Variants in ACO2 observed in about 807,000 individuals in gnomAD.
ACO2 encodes the protein aconitase 2.
In ACO2, 31 loss-of-function variants were observed where a neutral mutation model predicts 84.5. That is an observed-to-expected ratio of 0.37 (90% CI 0.28 to 0.50). ACO2 has a LOEUF of 0.50. Among genes scored for constraint, ACO2 ranks in the 20% least tolerant of loss-of-function variants. The probability of loss-of-function intolerance (pLI) is 0.97; values close to 1 mark genes in which losing one functional copy is unlikely to be tolerated. For synonymous variants in ACO2, 414 were observed against 412.7 expected (o/e 1.00, Z -0.04); for missense variants, 685 against 1,029.3 (o/e 0.67, Z 4.58).
rs150077930 is a variant in ACO2 at position 41,524,809 on chromosome 22, T to C, written c.1483-37T>C. On this transcript the variant is annotated intron_variant, in intron 12 of 17. Coordinates refer to ENST00000216254, the MANE Select transcript of ACO2 (RefSeq NM_001098.3). ...TAGGTGCAGGAGACAGGAGTGGCAA[T>C]TGGTGCTGACCAACAAACTGGCCAC... The C allele has an allele frequency of 9.6e-4, 1,554 of 1,613,910 alleles. 2 individuals are homozygous for C. The highest frequency in any genetic ancestry group is 1.3e-3 in the Non-Finnish European group (1,483 of 1,179,868).
chr22:41,523,602 AGGCCTTGCCTCT>A (rs1162409259), intron 11 of ACO2, among the ~76,000 whole-genome samples: 1 of 152,212 alleles, frequency 6.6e-6, no homozygotes, highest in Non-Finnish European at 1.5e-5. Context: ...GCCTTGACCA[AGGCCTTGCCTCT>A]GGCTTACGTG....
At chr22:41,527,571 C>G in intron 16 of ACO2, 151 bp downstream of exon 16, 1 of 1,108,948 alleles carries the variant, frequency 9.0e-7, no homozygotes, top group Non-Finnish European at 1.3e-6. Flanking sequence ...TAGGCTCACA[C>G]AGTGCACATC....
intron 6 of ACO2, 128 bp downstream of exon 6, chr22:41,516,045 G>A: frequency 2.4e-6 from 3 of 1,248,874 alleles, no homozygotes; most frequent in Non-Finnish European, 3.4e-6. Context: ...ACTTGGGATA[G>A]ACAGAGGTAG....
intron 9 of ACO2, among the ~76,000 whole-genome samples, chr22:41,522,571 A>G (rs1376204137): frequency 6.6e-6 from 1 of 152,208 alleles, no homozygotes; most frequent in African/African-American, 2.4e-5. Context: ...ATTGCTGTAA[A>G]AGGGGTCATA....
At chr22:41,517,314 G>A (rs2066483107) in intron 6 of ACO2, 1 of 535,042 alleles carries the variant, frequency 1.9e-6, no homozygotes, top group African/African-American at 1.9e-5. Flanking sequence ...CCTGAGCTGG[G>A]GCCCTGAGCT....
At chr22:41,514,473 G>T (rs760795247) in intron 4 of ACO2, among the ~76,000 whole-genome samples, 2 of 152,234 alleles carry the variant, frequency 1.3e-5, no homozygotes, top group Non-Finnish European at 2.9e-5. Context: ...TCCGAGAGAA[G>T]TGACTTGTCC....
chr22:41,520,136 C>T lies in ACO2; in HGVS notation c.1033-35C>T, dbSNP rs200642771. On this transcript the variant is annotated intron_variant, in intron 8 of 17. Coordinates refer to ENST00000216254, the MANE Select transcript of ACO2 (RefSeq NM_001098.3). The stretch of plus-strand genomic sequence containing the variant: ...TCCCCGCTTCAAGGTTTCTTCCCTC[C>T]TCTCTTTCTTCTCCTTGCATGTTTG... 2.7e-5 allele frequency: 43 copies of T among 1,576,506 alleles called. No homozygotes were observed. In the East Asian group the frequency reaches 8.8e-4, roughly 32 times the overall value.
In ACO2 at chr22:41,523,751, G is replaced by T. The variant is rs891555194; in HGVS notation, c.1371-79G>T. The T allele has an allele frequency of 3.0e-6, 4 of 1,322,888 alleles. No homozygotes were observed. The African/African-American group carries it at 4.3e-5, about 14-fold the overall frequency. 81.9% of individuals were successfully genotyped at this position (1,322,888 alleles called of 1,614,324 possible). ...GGAGCTAGGCTGGGCTGCGCCACAG[G>T]AACCCAGCTTATCTGTCCTCGGGAC... On this transcript the variant is annotated intron_variant, in intron 11 of 17. Transcript: ENST00000216254.
intron 16 of ACO2, 93 bp downstream of exon 16, chr22:41,527,513 G>C: frequency 1.3e-6 from 2 of 1,509,224 alleles, no homozygotes; most frequent in Non-Finnish European, 1.8e-6. Flanking sequence ...CCTGGTTCTA[G>C]GCTGTGTCCA....
intron 1 of ACO2, among the ~76,000 whole-genome samples, chr22:41,471,588 T>C (rs114786548): frequency 6.6e-6 from 1 of 152,340 alleles, no homozygotes; most frequent in African/African-American, 2.4e-5. Flanking sequence ...TCGTGGAGCT[T>C]CCACTGTATT....
chr22:41,509,477 G>C (rs998520004), intron 3 of ACO2, among the ~76,000 whole-genome samples: 1 of 152,142 alleles, frequency 6.6e-6, no homozygotes, highest in Non-Finnish European at 1.5e-5. Flanking sequence ...GAAAGTGCGG[G>C]ACTTGGTCAG....
intron 2 of ACO2, among the ~76,000 whole-genome samples, chr22:41,501,558 C>T (rs981506018): frequency 1.3e-5 from 2 of 152,170 alleles, no homozygotes; most frequent in Non-Finnish European, 2.9e-5. Flanking sequence ...TTGATTGGAA[C>T]CTGAACAACT....
chr22:41,516,142 C>T (rs1452357243), intron 6 of ACO2: 8 of 659,042 alleles, frequency 1.2e-5, no homozygotes, highest in South Asian at 9.0e-5. Flanking sequence ...TCGAGGCTGC[C>T]GGTGACTTCC....
chr22:41,491,257 C>T (rs990799465), intron 1 of ACO2, among the ~76,000 whole-genome samples: 5 of 152,064 alleles, frequency 3.3e-5, no homozygotes, highest in Admixed American at 6.6e-5. Context: ...TTGAGGAAGG[C>T]GGGTTCTGAA....
At chr22:41,492,087 A>G (rs2066275557) in intron 1 of ACO2, among the ~76,000 whole-genome samples, 1 of 152,238 alleles carries the variant, frequency 6.6e-6, no homozygotes, top group African/African-American at 2.4e-5. Context: ...TCCAGTTTCC[A>G]CATCTGTGAG....
intron 1 of ACO2, among the ~76,000 whole-genome samples, chr22:41,477,877 C>T (rs2038038241): frequency 6.6e-6 from 1 of 151,824 alleles, no homozygotes; most frequent in Admixed American, 6.6e-5. Context: ...ACAGTGTGGC[C>T]AATGTAGTGA....
intron 1 of ACO2, among the ~76,000 whole-genome samples, chr22:41,497,044 G>C (rs1160341635): frequency 3.3e-5 from 5 of 151,950 alleles, no homozygotes; most frequent in African/African-American, 1.2e-4. Flanking sequence ...AAGGGAAGCA[G>C]CTCTTCCCTT....
intron 17 of ACO2, 27 bp downstream of exon 17, chr22:41,528,049 G>C: frequency 2.5e-6 from 4 of 1,613,798 alleles, no homozygotes; most frequent in Non-Finnish European, 3.4e-6. Context: ...CCCCTGAGGT[G>C]GTGGGGTGAG....
rs758213768 is a variant in ACO2, at chr22:41,525,252, T to C, written c.1665T>C (p.His555=). Residue 555 remains histidine, a synonymous_variant, in exon 14 of 18, where the codon CAT becomes CAC. Transcript: ENST00000216254. ...CACCCAAGGACAGCAGCGGGCAGCA[T>C]GTGGACGTGAGCCCCACCAGCCAGC... ...QHPPKDSSGQ[H]VDVSPTSQRL... The C allele has an allele frequency of 1.7e-5, 27 of 1,613,994 alleles. No individual in the cohort carries two copies. Among genetic ancestry groups the C allele is most frequent in the Non-Finnish European group, 2.3e-5 (27 of 1,179,970 alleles).
Sources: allele counts gnomAD v4.1 joint callset (sites outside exome capture counted in the v4.1 genomes callset), GRCh38; gene constraint gnomAD v4.1.1; transcripts MANE v1.5; gene names NCBI Gene and HGNC (gene_info 2026-07-23, HGNC 2026-07-21).